ST8SIA2: variants seen among roughly 807,000 people sequenced by gnomAD.
ST8SIA2 encodes ST8 alpha-N-acetyl-neuraminide alpha-2,8-sialyltransferase 2.
A neutral mutation model predicts 37.6 loss-of-function variants in ST8SIA2; 22 were observed. That is an observed-to-expected ratio of 0.58 (90% CI 0.42 to 0.83). The LOEUF (loss-of-function observed/expected upper bound fraction) is 0.83. Among genes scored for constraint, ST8SIA2 ranks in the 40% least tolerant of loss-of-function variants. ST8SIA2 has a pLI of 0.00. For synonymous variants in ST8SIA2, 205 were observed against 201.2 expected, an observed-to-expected ratio of 1.02 and a Z score of -0.16; for missense variants, 382 against 484.7, an observed-to-expected ratio of 0.79 and a Z score of 1.99.
intron 1 of ST8SIA2, among the ~76,000 whole-genome samples, chr15:92,404,559 C>T (rs1732295825): frequency 6.6e-6 from 1 of 151,562 alleles, no homozygotes; most frequent in Admixed American, 6.6e-5. Flanking sequence ...TGGTGGCTCA[C>T]ACCTGTAATC....
Position 92,465,692 on chromosome 15 carries a change from G to T in ST8SIA2, c.*1307G>T, listed in dbSNP as rs1406477636. 1 of 152,046 alleles carries T rather than the reference G, an allele frequency of 6.6e-6. No individual in the cohort carries two copies. The highest frequency in any genetic ancestry group is 1.5e-5 in the Non-Finnish European group (1 of 67,988). The allele number at this position is 152,046 out of a possible 1,614,324, so 9.4% of individuals were successfully genotyped here. ...ATGTCCACCCCACCCCCAGGTACCC[G>T]CCTCTTCCCACAGAAGCAATTTTAG... is the stretch of plus-strand genomic sequence containing the variant. On this transcript the variant is annotated 3_prime_UTR_variant, in exon 6 of 6. Transcript: ENST00000268164.
At chr15:92,453,450 C>G (rs1011445406) in intron 5 of ST8SIA2, among the ~76,000 whole-genome samples, 3 of 152,202 alleles carry the variant, frequency 2.0e-5, no homozygotes, top group Non-Finnish European at 2.9e-5. Flanking sequence ...TTGACATGGA[C>G]AAATGCAAGA....
chr15:92,464,241 G>A lies in ST8SIA2; in HGVS notation c.984G>A (p.Lys328=), dbSNP rs746301362. The A allele has an allele frequency of 6.2e-7, 1 of 1,613,982 alleles. No individual in the cohort carries two copies. The highest frequency in any genetic ancestry group is 2.2e-5 in the East Asian group (1 of 44,870). The change falls in exon 6 of 6, where the codon AAG becomes AAA. Residue 328 remains lysine (K), a synonymous_variant. Transcript: ENST00000268164. ...FPLDQNQNPV[K]YHYYDSLKYG... is the part of the protein sequence containing the mutation. The stretch of plus-strand genomic sequence containing the variant: ...TGGATCAGAACCAGAACCCAGTCAA[G>A]TACCACTATTATGACAGCCTCAAGT...
intron 1 of ST8SIA2, among the ~76,000 whole-genome samples, chr15:92,424,817 G>A (rs1010208686): frequency 6.6e-6 from 1 of 152,026 alleles, no homozygotes; most frequent in Admixed American, 6.6e-5. Flanking sequence ...CCACCATGTT[G>A]GCCAGGCTGG....
chr15:92,413,984 A>C (rs1210409015), intron 1 of ST8SIA2, among the ~76,000 whole-genome samples: 1 of 152,186 alleles, frequency 6.6e-6, no homozygotes, highest in African/African-American at 2.4e-5. Flanking sequence ...TGTCCCCTCC[A>C]GGCCCAGCCC....
intron 1 of ST8SIA2, among the ~76,000 whole-genome samples, chr15:92,428,175 T>A (rs1368133225): frequency 1.3e-5 from 2 of 152,150 alleles, no homozygotes; most frequent in Non-Finnish European, 2.9e-5. Flanking sequence ...GAAACCTGAT[T>A]TCACAGAGGA....
At chr15:92,464,056 G>A in intron 5 of ST8SIA2, 44 bp from the exon 6 acceptor site, 1 of 1,513,726 alleles carries the variant, frequency 6.6e-7, no homozygotes, top group Non-Finnish European at 8.8e-7. Context: ...ATGACTCACA[G>A]ACCCATGTTT....
chr15:92,410,747 C>CAAAA (rs1730730760), intron 1 of ST8SIA2, among the ~76,000 whole-genome samples: 1 of 152,106 alleles, frequency 6.6e-6, no homozygotes, highest in Non-Finnish European at 1.5e-5. Context: ...GTAATAAAAA[C>CAAAA]AAAAATAACA....
At chr15:92,445,908 A>G (rs1164204078) in intron 5 of ST8SIA2, among the ~76,000 whole-genome samples, 1 of 152,114 alleles carries the variant, frequency 6.6e-6, no homozygotes, top group Non-Finnish European at 1.5e-5. Flanking sequence ...CCTGGCATAG[A>G]TCTCCCTGGC....
At chr15:92,414,036 C>T (rs1220552897) in intron 1 of ST8SIA2, among the ~76,000 whole-genome samples, 1 of 152,212 alleles carries the variant, frequency 6.6e-6, no homozygotes, top group African/African-American at 2.4e-5. Flanking sequence ...ATGGGAAAAG[C>T]AAAGAGGAAA....
At chr15:92,441,579 A>G (rs1364329774) in intron 4 of ST8SIA2, among the ~76,000 whole-genome samples, 4 of 13,248 alleles carry the variant, frequency 3.0e-4, no homozygotes, top group South Asian at 2.5e-3. Context: ...CTGTGCATGC[A>G]CACACACACA....
At chr15:92,459,124 C>T (rs1194002443) in intron 5 of ST8SIA2, among the ~76,000 whole-genome samples, 2 of 152,214 alleles carry the variant, frequency 1.3e-5, no homozygotes, top group Admixed American at 1.3e-4. Flanking sequence ...CGATTCCTCT[C>T]TCCCCCTTTC....
Position 92,444,700 on chromosome 15 carries a change from A to G in ST8SIA2, c.613A>G (p.Met205Val), listed in dbSNP as rs1261772805. The G allele has an allele frequency of 6.2e-7, 1 of 1,614,254 alleles. No homozygotes were observed. Among genetic ancestry groups the G allele is most frequent in the Non-Finnish European group, 8.5e-7 (1 of 1,180,040 alleles). ...GGGGCTCAAGACAGACCTGGTAACCATGAACCCCTCGGTCATCCAGCGGGC... is the reference window on the plus strand; with the variant it reads ...GGGGCTCAAGACAGACCTGGTAACCGTGAACCCCTCGGTCATCCAGCGGGC... ...DVGLKTDLVT[M>V]NPSVIQRAFE... The change falls in exon 5 of 6, where the codon ATG (methionine) becomes GTG (valine). Residue 205 changes from methionine (M) to valine (V), a missense_variant. Physicochemically the swap from Met to Val is conservative, Grantham distance 21 (BLOSUM62 1). Transcript: ENST00000268164.
intron 5 of ST8SIA2, among the ~76,000 whole-genome samples, chr15:92,460,538 G>T (rs765197460): frequency 6.6e-6 from 1 of 152,182 alleles, no homozygotes; most frequent in Non-Finnish European, 1.5e-5. Context: ...CAGTCCTCCT[G>T]CCTTTGCCCC....
rs758044304 is a variant in ST8SIA2, at chr15:92,434,196, C to A, written c.162-51C>A. The A allele has an allele frequency of 4.3e-6, 7 of 1,610,998 alleles. No individual in the cohort carries two copies. The Admixed American group carries it at 5.0e-5, about 12-fold the overall frequency. On this transcript the variant is annotated intron_variant, in intron 2 of 5. Coordinates refer to ENST00000268164, the MANE Select transcript of ST8SIA2 (RefSeq NM_006011.4). ...AAAACAAAACTATTAGACTTGTCGT[C>A]GGCTTGCTAACACATCATGTCTACC...
At chr15:92,435,374 A>AC (rs1365241127) in intron 3 of ST8SIA2, among the ~76,000 whole-genome samples, 1 of 152,156 alleles carries the variant, frequency 6.6e-6, no homozygotes, top group African/African-American at 2.4e-5. Flanking sequence ...TCCCACATGC[A>AC]CAGAGTCTGT....
chr15:92,444,608 A>T lies in ST8SIA2; in HGVS notation c.549-28A>T. ...AGGAAGGGGTCTCAGCTTTCCCAAA[A>T]GGATCATGTTGCCTTTTTCTCCGGC... On this transcript the variant is annotated intron_variant, in intron 4 of 5. Transcript: ENST00000268164. 3 of 1,614,168 alleles carry T rather than the reference A, an allele frequency of 1.9e-6. No individual in the cohort carries two copies. In the South Asian group the frequency reaches 3.3e-5, roughly 18 times the overall value.
intron 1 of ST8SIA2, among the ~76,000 whole-genome samples, chr15:92,412,982 T>G (rs2049560449): frequency 5.9e-5 from 9 of 151,948 alleles, no homozygotes; most frequent in Admixed American, 5.9e-4. Flanking sequence ...CTTCTCAGCA[T>G]TGCCCAGTAA....
intron 1 of ST8SIA2, among the ~76,000 whole-genome samples, chr15:92,428,184 G>C (rs1283549734): frequency 6.6e-6 from 1 of 152,048 alleles, no homozygotes; most frequent in East Asian, 1.9e-4. Context: ...TTTCACAGAG[G>C]ATATTGCTTA....
Sources: allele counts gnomAD v4.1 joint callset (sites outside exome capture counted in the v4.1 genomes callset), GRCh38; gene constraint gnomAD v4.1.1; transcripts MANE v1.5; gene names NCBI Gene and HGNC (gene_info 2026-07-23, HGNC 2026-07-21).